PPP2R2B: variants seen among roughly 807,000 people sequenced by gnomAD.
The protein encoded by PPP2R2B is protein phosphatase 2 regulatory subunit Bbeta.
A neutral mutation model predicts 46.0 loss-of-function variants in PPP2R2B; 5 were observed. That is an observed-to-expected ratio of 0.11 (90% CI 0.06 to 0.23). PPP2R2B has a LOEUF of 0.23. Ranked by LOEUF, PPP2R2B falls within the 10% of genes least tolerant of loss-of-function variation. The pLI is 1.00. For synonymous variants in PPP2R2B, 215 were observed against 206.7 expected (o/e 1.04, Z -0.34); for missense variants, 367 against 575.0 (o/e 0.64, Z 3.70).
At chr5:146,923,124 C>G (rs139429007) in intron 1 of PPP2R2B, among the ~76,000 whole-genome samples, 1 of 152,110 alleles carries the variant, frequency 6.6e-6, no homozygotes, top group Non-Finnish European at 1.5e-5. Flanking sequence ...GTCTAAATTT[C>G]TTTTTTTGTT....
At chr5:147,070,592 G>A (rs953063778) in intron 2 of PPP2R2B, among the ~76,000 whole-genome samples, 1 of 152,142 alleles carries the variant, frequency 6.6e-6, no homozygotes, top group African/African-American at 2.4e-5. Context: ...AGACAAATCC[G>A]TCTAGAGAAG....
chr5:146,891,495 A>AT (rs540203214), intron 1 of PPP2R2B, among the ~76,000 whole-genome samples: 1 of 152,082 alleles, frequency 6.6e-6, no homozygotes, highest in South Asian at 2.1e-4. Flanking sequence ...GCTCTTTTTA[A>AT]TTTTTTTTAA....
At chr5:146,876,051 G>C (rs889641281) in intron 2 of PPP2R2B, among the ~76,000 whole-genome samples, 10 of 152,242 alleles carry the variant, frequency 6.6e-5, no homozygotes, top group Admixed American at 5.2e-4. Flanking sequence ...AAACCTAGAA[G>C]CTTCTGTGAA....
intron 2 of PPP2R2B, among the ~76,000 whole-genome samples, chr5:146,807,997 C>T (rs895383208): frequency 7.3e-5 from 11 of 151,572 alleles, no homozygotes; most frequent in Non-Finnish European, 1.3e-4. Context: ...GACAGGGTTT[C>T]ACCATGTTGG....
chr5:146,952,276 C>T (rs1751650963), intron 1 of PPP2R2B, among the ~76,000 whole-genome samples: 2 of 152,106 alleles, frequency 1.3e-5, no homozygotes, highest in Non-Finnish European at 2.9e-5. Flanking sequence ...ATAAACAACA[C>T]CATAAAGTAC....
At chr5:146,840,749 G>A (rs1173557271) in intron 2 of PPP2R2B, among the ~76,000 whole-genome samples, 2 of 152,206 alleles carry the variant, frequency 1.3e-5, no homozygotes, top group East Asian at 3.8e-4. Flanking sequence ...TATAGTATAT[G>A]TAGCATAGAA....
intron 2 of PPP2R2B, among the ~76,000 whole-genome samples, chr5:147,066,481 C>A (rs528788152): frequency 1.6e-4 from 25 of 152,210 alleles, no homozygotes; most frequent in African/African-American, 6.0e-4. Context: ...GAATGCAAAC[C>A]TGGGTGAGAC....
chr5:147,031,320 G>A (rs1161919174), intron 1 of PPP2R2B, among the ~76,000 whole-genome samples: 4 of 152,102 alleles, frequency 2.6e-5, no homozygotes, highest in Non-Finnish European at 5.9e-5. Context: ...GCTCCTTTCA[G>A]CATTTTAAAG....
At chr5:146,622,008 G>T (rs1475478880) in intron 7 of PPP2R2B, among the ~76,000 whole-genome samples, 3 of 152,156 alleles carry the variant, frequency 2.0e-5, no homozygotes, top group African/African-American at 7.2e-5. Flanking sequence ...CCCAAGGCCT[G>T]GGCAGACTCT....
chr5:146,877,408 C>T (rs1211221595), intron 2 of PPP2R2B, among the ~76,000 whole-genome samples: 2 of 152,196 alleles, frequency 1.3e-5, no homozygotes, highest in African/African-American at 4.8e-5. Context: ...CACGTGTCAG[C>T]CTCATTCGCT....
chr5:146,952,296 T>A (rs1751651703), intron 1 of PPP2R2B, among the ~76,000 whole-genome samples: 1 of 151,622 alleles, frequency 6.6e-6, no homozygotes, highest in African/African-American at 2.4e-5. Context: ...CTTGTGGTGA[T>A]TTTTTTTTCT....
intron 2 of PPP2R2B, among the ~76,000 whole-genome samples, chr5:146,842,631 C>T (rs1355197343): frequency 6.6e-6 from 1 of 151,996 alleles, no homozygotes; most frequent in Non-Finnish European, 1.5e-5. Flanking sequence ...TTTTCCTGGT[C>T]ATCTAATTTT....
intron 2 of PPP2R2B, among the ~76,000 whole-genome samples, chr5:146,874,084 C>T (rs1761764267): frequency 6.6e-6 from 1 of 152,218 alleles, no homozygotes; most frequent in Non-Finnish European, 1.5e-5. Context: ...TCCTTGAACT[C>T]CCGATCTAAA....
At chr5:146,667,037 G>A (rs1777022559) in intron 5 of PPP2R2B, among the ~76,000 whole-genome samples, 1 of 152,088 alleles carries the variant, frequency 6.6e-6, no homozygotes, top group African/African-American at 2.4e-5. Flanking sequence ...GGAGATGGTG[G>A]TAGGAATCTA....
intron 1 of PPP2R2B, among the ~76,000 whole-genome samples, chr5:146,931,319 A>T (rs1582449710): frequency 3.9e-5 from 6 of 152,268 alleles, no homozygotes; most frequent in Admixed American, 3.9e-4. Flanking sequence ...AAATGGAGGT[A>T]AGAAGATTGC....
At chr5:146,941,712 G>A (rs948907483) in intron 1 of PPP2R2B, among the ~76,000 whole-genome samples, 1 of 152,176 alleles carries the variant, frequency 6.6e-6, no homozygotes, top group African/African-American at 2.4e-5. Flanking sequence ...GTGTGGCATA[G>A]CAGAATGAAG....
At chr5:146,700,475 A>T (rs1779465573) in intron 3 of PPP2R2B, among the ~76,000 whole-genome samples, 1 of 152,172 alleles carries the variant, frequency 6.6e-6, no homozygotes, top group African/African-American at 2.4e-5. Flanking sequence ...TCCTGCTCAG[A>T]AATGGTCCTA....
At chr5:146,996,456 T>C (rs1753926616) in intron 1 of PPP2R2B, among the ~76,000 whole-genome samples, 1 of 152,080 alleles carries the variant, frequency 6.6e-6, no homozygotes, top group Admixed American at 6.5e-5. Flanking sequence ...AAGGTGGATT[T>C]AGGGAAATGG....
At chr5:146,977,541 A>G (rs951549414) in intron 1 of PPP2R2B, among the ~76,000 whole-genome samples, 4 of 151,998 alleles carry the variant, frequency 2.6e-5, no homozygotes, top group Non-Finnish European at 5.9e-5. Flanking sequence ...CCACCCACCA[A>G]TAGGCCCTGG....
Sources: gnomAD v4.1 joint callset for allele counts (sites outside exome capture counted in the v4.1 genomes callset) on GRCh38, gnomAD v4.1.1 for gene constraint, MANE v1.5 for transcripts, NCBI Gene and HGNC (gene_info 2026-07-23, HGNC 2026-07-21) for gene names.